Variants in ELF1 observed in about 807,000 individuals in gnomAD.
The protein encoded by ELF1 is E74 like ETS transcription factor 1, also known as ETS-related transcription factor Elf-1.
ELF1 carries 24 observed loss-of-function variants against 59.9 expected under a neutral mutation model. That is an observed-to-expected ratio of 0.40 (90% CI 0.29 to 0.56). The LOEUF is 0.56. ELF1 is among the 20% of genes least tolerant of loss of function. The probability of loss-of-function intolerance (pLI) is 0.44; values close to 1 mark genes in which losing one functional copy is unlikely to be tolerated. For synonymous variants in ELF1, 248 were observed against 266.2 expected, an observed-to-expected ratio of 0.93 and a Z score of 0.67; for missense variants, 627 against 742.2, an observed-to-expected ratio of 0.84 and a Z score of 1.80.
At chr13:41,032,044 G>C (rs1003784702) in intron 1 of ELF1, among the ~76,000 whole-genome samples, 1 of 151,910 alleles carries the variant, frequency 6.6e-6, no homozygotes, top group Non-Finnish European at 1.5e-5. Context: ...CAAATGGGCT[G>C]TTAGCACACA....
chr13:40,959,383 C>G (rs559291451), intron 2 of ELF1, among the ~76,000 whole-genome samples: 19 of 152,166 alleles, frequency 1.2e-4, no homozygotes, highest in African/African-American at 4.1e-4. Flanking sequence ...GTAGTCTCAG[C>G]TACTAGGGAG....
At chr13:40,962,720 A>G (rs989310905) in intron 2 of ELF1, among the ~76,000 whole-genome samples, 1 of 151,898 alleles carries the variant, frequency 6.6e-6, no homozygotes, top group East Asian at 1.9e-4. Flanking sequence ...GAAAAGAGAC[A>G]CATGGTTCTG....
At chr13:41,024,240 T>C (rs558342375), upstream of ELF1, among the ~76,000 whole-genome samples, 504 of 152,230 alleles carry the variant, frequency 3.3e-3, 3 homozygotes, top group Middle Eastern at 6.8e-3. Flanking sequence ...CTCCTGGAAA[T>C]GGATTCAGTA....
chr13:41,030,662 G>A (rs1876122595), intron 1 of ELF1, among the ~76,000 whole-genome samples: 1 of 152,026 alleles, frequency 6.6e-6, no homozygotes, highest in Non-Finnish European at 1.5e-5. Flanking sequence ...GAGGTGGGAA[G>A]ACTGCTTGAG....
chr13:41,024,471 G>C lies in ELF1; in HGVS notation c.-229+36367C>G, dbSNP rs1593401085. Among the ~76,000 whole-genome samples, 3 of 152,116 alleles carry C rather than the reference G, an allele frequency of 2.0e-5. No individual in the cohort carries two copies. The South Asian group carries it at 6.2e-4, about 32-fold the overall frequency. ...CCTGAGTAGCTGGGACTACAGGCAT[G>C]CACCACAATGTGGTTATTTTTTGTA... On this transcript the variant is annotated intron_variant, in intron 1 of 1. Coordinates refer to the ELF1 transcript ENST00000405737.
chr13:40,999,532 GAGA>G (rs1017724061), intron 1 of ELF1, among the ~76,000 whole-genome samples: 1 of 152,280 alleles, frequency 6.6e-6, no homozygotes, highest in East Asian at 1.9e-4. Context: ...GGCATGATTT[GAGA>G]AGAAGTAAAA....
At chr13:41,008,839 C>T (rs1371107101) in intron 1 of ELF1, among the ~76,000 whole-genome samples, 2 of 152,162 alleles carry the variant, frequency 1.3e-5, no homozygotes, top group African/African-American at 4.8e-5. Flanking sequence ...CATATTCCAA[C>T]AGATTTCATG....
intron 2 of ELF1, among the ~76,000 whole-genome samples, chr13:40,971,952 G>T (rs1412124271): frequency 2.8e-4 from 10 of 35,432 alleles, no homozygotes; most frequent in Admixed American, 1.5e-3. Context: ...TTTTTTTTTG[G>T]GGGGGGGTAT....
intron 1 of ELF1, among the ~76,000 whole-genome samples, chr13:41,041,327 T>A (rs1876602105): frequency 6.6e-6 from 1 of 151,604 alleles, no homozygotes; most frequent in African/African-American, 2.4e-5. Flanking sequence ...TTTCAAAGTC[T>A]TTCTTTGCTA....
At position 40,942,817 on chromosome 13, in the gene ELF1, T is replaced by C. The variant is rs1285240513; in HGVS notation, c.806+135A>G. 5 of 944,056 alleles carry C rather than the reference T, an allele frequency of 5.3e-6. No homozygotes were observed. The Admixed American group carries it at 1.7e-4, about 33-fold the overall frequency. 58.5% of individuals were successfully genotyped at this position (944,056 alleles called of 1,614,324 possible). On this transcript the variant is annotated intron_variant, in intron 7 of 8. Transcript: ENST00000239882. ...GATTACAGGCATGAGCCACCGCACCTGACTGAAAATGTACCCTCTTATTAT... is the reference window on the plus strand; with the variant it reads ...GATTACAGGCATGAGCCACCGCACCCGACTGAAAATGTACCCTCTTATTAT...
At chr13:40,991,820 C>T (rs1476731576) in intron 1 of ELF1, among the ~76,000 whole-genome samples, 1 of 152,034 alleles carries the variant, frequency 6.6e-6, no homozygotes, top group Non-Finnish European at 1.5e-5. Flanking sequence ...TTTTAACCTA[C>T]AATTGTATAT....
At chr13:41,040,413 C>T (rs1257871377) in intron 1 of ELF1, among the ~76,000 whole-genome samples, 2 of 152,122 alleles carry the variant, frequency 1.3e-5, no homozygotes, top group South Asian at 2.1e-4. Context: ...CTTATATATG[C>T]ATGATCTACA....
At chr13:40,943,373 A>T (rs1870305738) in intron 6 of ELF1, among the ~76,000 whole-genome samples, 1 of 152,198 alleles carries the variant, frequency 6.6e-6, no homozygotes, top group African/African-American at 2.4e-5. Flanking sequence ...TGAACAAAGC[A>T]ATCTTGTCAT....
rs889166602 is a variant in ELF1, at chr13:41,036,071, A to AT, written c.-229+24766dup. ...AGGTGCCCGCCACCACGCCCGGCTA[A>AT]TTTTTTTTTGTTGTTGTTGTATTTT... On this transcript the variant is annotated intron_variant, in intron 1 of 1. Transcript: ENST00000405737. Among the ~76,000 whole-genome samples, 12 of 150,722 alleles carry AT rather than the reference A, an allele frequency of 8.0e-5. 1 individual carries two copies. The highest frequency in any genetic ancestry group is 5.8e-4 in the East Asian group (3 of 5,132).
chr13:41,048,008 T>C (rs954652760), intron 1 of ELF1, among the ~76,000 whole-genome samples: 4 of 152,232 alleles, frequency 2.6e-5, no homozygotes. Context: ...CACTGCCACC[T>C]TGCAGTTCGA....
intron 2 of ELF1, among the ~76,000 whole-genome samples, chr13:40,971,197 AGATT>A (rs1872530317): frequency 6.6e-6 from 1 of 152,228 alleles, no homozygotes; most frequent in Non-Finnish European, 1.5e-5. Context: ...TATTATATAT[AGATT>A]GATAGTTATC....
At chr13:40,992,792 G>A (rs1873929325) in intron 1 of ELF1, 1 of 372,448 alleles carries the variant, frequency 2.7e-6, no homozygotes, top group Non-Finnish European at 4.9e-6. Flanking sequence ...TGGGGCTGGA[G>A]AGAACTATAC....
upstream of ELF1, among the ~76,000 whole-genome samples, chr13:41,019,613 C>A (rs1433169636): frequency 6.6e-6 from 1 of 152,018 alleles, no homozygotes; most frequent in East Asian, 1.9e-4. Context: ...ATAAAAATCT[C>A]AATTTTTAAA....
chr13:40,943,011 C>T lies in ELF1; in HGVS notation c.747G>A (p.Leu249=), dbSNP rs1566166161. The change falls in exon 7 of 9, where the codon TTG becomes TTA. Residue 249 remains leucine, a synonymous_variant. Transcript: ENST00000239882. The part of the protein sequence containing the change: ...KLVDSKAVSR[L]WGKHKNKPDM... ...CAGGTTTGTTTTTGTGCTTCCCCCA[C>T]AACCTGGACACTGCTTTAGAATCCA... 3 of 1,611,690 alleles carry T rather than the reference C, an allele frequency of 1.9e-6. No homozygotes were observed. In the Admixed American group the frequency reaches 5.0e-5, roughly 27 times the overall value.
Sources: allele counts gnomAD v4.1 joint callset (sites outside exome capture counted in the v4.1 genomes callset), GRCh38; gene constraint gnomAD v4.1.1; transcripts MANE v1.5; gene names NCBI Gene and HGNC (gene_info 2026-07-23, HGNC 2026-07-21).